CHAT: variants seen among roughly 807,000 people sequenced by gnomAD.
CHAT encodes the protein acetyl CoA:choline O-acetyltransferase.
A neutral mutation model predicts 76.9 loss-of-function variants in CHAT; 61 were observed. That is an observed-to-expected ratio of 0.79 (90% CI 0.65 to 0.98). The LOEUF (loss-of-function observed/expected upper bound fraction) is 0.98. Among genes scored for constraint, CHAT ranks in the 50% least tolerant of loss-of-function variants. CHAT has a pLI of 0.00. For missense variants in CHAT, 946 were observed against 986.9 expected (o/e 0.96, Z 0.56); for synonymous variants, 407 against 397.4 (o/e 1.02, Z -0.29).
At chr10:49,646,482 G>A (rs371603463) in intron 7 of CHAT, 23 bp from the exon 8 acceptor site, 33 of 1,613,770 alleles carry the variant, frequency 2.0e-5, no homozygotes, top group Non-Finnish European at 2.8e-5. Flanking sequence ...CAGGTGCTAG[G>A]GCTGTGCCTG....
At chr10:49,633,584 A>G (rs1207215013) in intron 7 of CHAT, among the ~76,000 whole-genome samples, 3 of 152,122 alleles carry the variant, frequency 2.0e-5, no homozygotes, top group African/African-American at 7.2e-5. Flanking sequence ...TGCACACCCT[A>G]TTAGGACCTC....
intron 4 of CHAT, 77 bp downstream of exon 4, chr10:49,620,690 A>T: frequency 8.5e-7 from 1 of 1,172,188 alleles, no homozygotes; most frequent in Middle Eastern, 2.0e-4. Flanking sequence ...GCCAGCAAAG[A>T]AAGGCCAAAG....
intron 1 of CHAT, chr10:49,615,739 T>C (rs181480977): frequency 6.3e-4 from 303 of 481,042 alleles, no homozygotes; most frequent in Non-Finnish European, 9.5e-4. Flanking sequence ...TCACTTCTAC[T>C]GTACCTTCAA....
intron 11 of CHAT, among the ~76,000 whole-genome samples, chr10:49,652,213 T>A (rs940579342): frequency 4.6e-5 from 7 of 152,144 alleles, no homozygotes; most frequent in African/African-American, 1.7e-4. Context: ...ATCAGGGAAC[T>A]GCCTGGGTGA....
chr10:49,650,827 A>G (rs1378611049), intron 10 of CHAT, among the ~76,000 whole-genome samples: 1 of 152,148 alleles, frequency 6.6e-6, no homozygotes, highest in Non-Finnish European at 1.5e-5. Flanking sequence ...TTCAGTGGGC[A>G]TGGAGGGGCC....
At chr10:49,648,633 T>C (rs1008640621) in intron 9 of CHAT, 26 bp downstream of exon 9, 1 of 1,530,580 alleles carries the variant, frequency 6.5e-7, no homozygotes, top group Non-Finnish European at 9.0e-7. Flanking sequence ...AGGGCTGCCA[T>C]GCTGGGCCCA....
intron 2 of CHAT, among the ~76,000 whole-genome samples, chr10:49,619,359 G>A (rs894567902): frequency 6.6e-6 from 1 of 152,184 alleles, no homozygotes; most frequent in Non-Finnish European, 1.5e-5. Flanking sequence ...TCCTATGAGA[G>A]ATAGGGGTTA....
upstream of CHAT, chr10:49,611,254 G>T (rs769215684): frequency 6.2e-7 from 1 of 1,612,934 alleles, no homozygotes; most frequent in Non-Finnish European, 8.5e-7. Flanking sequence ...GTTCGCCTTC[G>T]CCGAGGACTA....
chr10:49,659,353 G>A (rs1319026100), intron 13 of CHAT, among the ~76,000 whole-genome samples: 1 of 152,058 alleles, frequency 6.6e-6, no homozygotes, highest in Non-Finnish European at 1.5e-5. Context: ...GACTTCTAAA[G>A]TGAGAAAATA....
chr10:49,667,589 T>C lies in CHAT; in HGVS notation c.*2543T>C, dbSNP rs1252516735. ...TTTATGCAAAGGCAACACTGAGCCA[T>C]GGCCAAGGGCATCTCTGCGGGGACC... On this transcript the variant is annotated 3_prime_UTR_variant, in exon 15 of 15. Coordinates refer to ENST00000337653, the MANE Select transcript of CHAT (RefSeq NM_020549.5). 6.6e-6 allele frequency among the ~76,000 whole-genome samples: 1 copy of C among 152,170 alleles called. No individual in the cohort carries two copies. Among genetic ancestry groups the C allele is most frequent in the Non-Finnish European group, 1.5e-5 (1 of 68,026 alleles).
chr10:49,651,512 A>G (rs1449773970), intron 10 of CHAT, among the ~76,000 whole-genome samples: 1 of 152,214 alleles, frequency 6.6e-6, no homozygotes, highest in Non-Finnish European at 1.5e-5. Flanking sequence ...GTCTCAGTGC[A>G]GACTTGGAAA....
rs1230989714 is a variant in CHAT at position 49,619,723 on chromosome 10, A to G, written c.388-2A>G. The G allele has an allele frequency of 3.1e-6, 5 of 1,610,306 alleles. No individual in the cohort carries two copies. Among genetic ancestry groups the G allele is most frequent in the Non-Finnish European group, 4.2e-6 (5 of 1,179,914 alleles). On this transcript the variant is annotated splice_acceptor_variant, in intron 2 of 14. Coordinates refer to ENST00000337653, the MANE Select transcript of CHAT (RefSeq NM_020549.5). LOFTEE classifies it high-confidence loss of function. ...ACAATGCCTATGAACCCTTTCTTCC[A>G]GGGGCTGCCCAAACTGCCCGTGCCC...
intron 13 of CHAT, among the ~76,000 whole-genome samples, chr10:49,660,927 G>C (rs1165307014): frequency 1.3e-5 from 2 of 152,178 alleles, no homozygotes; most frequent in Non-Finnish European, 2.9e-5. Flanking sequence ...GAGAAATAAA[G>C]TTCCAATGGC....
At chr10:49,629,277 C>G (rs972234182) in intron 7 of CHAT, among the ~76,000 whole-genome samples, 5 of 152,178 alleles carry the variant, frequency 3.3e-5, no homozygotes, top group African/African-American at 1.2e-4. Flanking sequence ...ATTAAAAATG[C>G]CAGGCCCCAG....
chr10:49,652,654 A>G (rs1839917083), intron 11 of CHAT, among the ~76,000 whole-genome samples: 1 of 152,154 alleles, frequency 6.6e-6, no homozygotes, highest in Admixed American at 6.5e-5. Flanking sequence ...GAACTTTGAA[A>G]TATGCAAATC....
intron 2 of CHAT, among the ~76,000 whole-genome samples, chr10:49,617,824 G>C (rs987391840): frequency 2.0e-5 from 3 of 152,162 alleles, no homozygotes; most frequent in Non-Finnish European, 4.4e-5. Context: ...GGGCAGTCTG[G>C]GATGCTGTCC....
upstream of CHAT, chr10:49,610,540 G>C (rs768002246): frequency 1.9e-6 from 1 of 524,036 alleles, no homozygotes; most frequent in Non-Finnish European, 3.2e-6. Context: ...GATCGGCTAA[G>C]AGTAGCTGCA....
intron 10 of CHAT, among the ~76,000 whole-genome samples, 162 bp downstream of exon 10, chr10:49,649,798 A>G (rs1302961833): frequency 6.6e-6 from 1 of 151,404 alleles, no homozygotes; most frequent in South Asian, 2.1e-4. Context: ...ATTAAAGGAG[A>G]GATACAACTC....
chr10:49,654,304 G>A (rs974698409), intron 11 of CHAT, among the ~76,000 whole-genome samples: 3 of 152,272 alleles, frequency 2.0e-5, no homozygotes, highest in Admixed American at 2.0e-4. Flanking sequence ...CAGCCAGTGA[G>A]GGAGAGACAT....
Sources: gnomAD v4.1 joint callset for allele counts (sites outside exome capture counted in the v4.1 genomes callset) on GRCh38, gnomAD v4.1.1 for gene constraint, MANE v1.5 for transcripts, NCBI Gene and HGNC (gene_info 2026-07-23, HGNC 2026-07-21) for gene names.